Variants in PFKFB3 observed in about 807,000 individuals in gnomAD.
PFKFB3 encodes 6-phosphofructo-2-kinase/fructose-2,6-bisphosphatase 3.
A neutral mutation model predicts 68.0 loss-of-function variants in PFKFB3; 33 were observed. The ratio of observed to expected loss-of-function variants is 0.49; its 90% CI spans 0.37 to 0.65. PFKFB3 has a LOEUF of 0.65. PFKFB3 is among the 30% of genes least tolerant of loss of function. PFKFB3 has a pLI of 0.00. For missense variants in PFKFB3, 586 were observed against 712.2 expected (o/e 0.82, Z 2.02); for synonymous variants, 315 against 288.2 (o/e 1.09, Z -0.94).
At chr10:6,250,048 G>C (rs1193669426) in intron 14 of PFKFB3, among the ~76,000 whole-genome samples, 1 of 152,124 alleles carries the variant, frequency 6.6e-6, no homozygotes, top group South Asian at 2.1e-4. Flanking sequence ...TCTCCTGGAA[G>C]CATATTGCAT....
At chr10:6,296,285 C>T in the PFKFB3 span, among the ~76,000 whole-genome samples, 1 of 150,738 alleles carries the variant, frequency 6.6e-6, no homozygotes, top group Non-Finnish European at 1.5e-5. Flanking sequence ...AGACTGATCT[C>T]TACAAATATT....
chr10:6,231,000 G>A (rs1454132333), intron 14 of PFKFB3, among the ~76,000 whole-genome samples: 1 of 152,206 alleles, frequency 6.6e-6, no homozygotes, highest in East Asian at 1.9e-4. Context: ...ACAGATGTGA[G>A]CCACCACGCC....
chr10:6,254,090 C>A (rs1236746312), intron 14 of PFKFB3: 5 of 371,796 alleles, frequency 1.3e-5, no homozygotes, highest in African/African-American at 2.3e-5. Flanking sequence ...CATGTACTTT[C>A]AGATGGCTTT....
chr10:6,224,113 C>G (rs371329068), intron 12 of PFKFB3, 36 bp from the exon 13 acceptor site: 9 of 1,613,326 alleles, frequency 5.6e-6, no homozygotes, highest in African/African-American at 4.0e-5. Flanking sequence ...GTCCCTTTAA[C>G]AGCAGCTTCC....
Position 6,220,901 on chromosome 10 carries a change from G to A in PFKFB3, c.831+36G>A, listed in dbSNP as rs1482227286. 1.3e-6 allele frequency: 2 copies of A among 1,592,930 alleles called. No homozygotes were observed. Among genetic ancestry groups the A allele is most frequent in the Admixed American group, 1.7e-5 (1 of 59,952 alleles). ...TGCTGCCGCATGGGCCGTTCTGGCT[G>A]TAGGGCGGTTGCAGGGTCTATAGGG... On this transcript the variant is annotated intron_variant, in intron 8 of 14. Coordinates refer to ENST00000379775, the MANE Select transcript of PFKFB3 (RefSeq NM_004566.4). This position sits in a 1 kb window ranked among gnomAD's most constrained non-coding sequence, Gnocchi z 4.1.
intron 14 of PFKFB3, among the ~76,000 whole-genome samples, chr10:6,230,073 G>A (rs919973305): frequency 2.6e-5 from 4 of 152,158 alleles, no homozygotes; most frequent in African/African-American, 7.2e-5. Flanking sequence ...TCTACTGGGA[G>A]GAGCCATTCG....
intron 1 of PFKFB3, among the ~76,000 whole-genome samples, chr10:6,165,299 C>T (rs567323148): frequency 2.0e-5 from 3 of 152,366 alleles, no homozygotes; most frequent in Admixed American, 1.3e-4. Flanking sequence ...TGATTCAATA[C>T]AGCACATGTT....
the PFKFB3 span, among the ~76,000 whole-genome samples, chr10:6,286,976 A>G: frequency 1.3e-5 from 2 of 152,246 alleles, no homozygotes; most frequent in Non-Finnish European, 2.9e-5. Flanking sequence ...TGGAAATAAC[A>G]TTGAACAACT....
At chr10:6,209,533 G>A (rs907593428) in intron 1 of PFKFB3, among the ~76,000 whole-genome samples, 1 of 151,794 alleles carries the variant, frequency 6.6e-6, no homozygotes, top group Non-Finnish European at 1.5e-5. Context: ...GAGTGCATTG[G>A]TACAATCTCG....
At chr10:6,238,566 CTTTTA>C (rs1334950612), downstream of PFKFB3, among the ~76,000 whole-genome samples, 40 of 134,188 alleles carry the variant, frequency 3.0e-4, no homozygotes, top group Non-Finnish European at 5.4e-4. Context: ...TTTTTTTTAA[CTTTTA>C]TTTTAAGTTC....
the PFKFB3 span, among the ~76,000 whole-genome samples, chr10:6,315,306 C>A: frequency 2.1e-3 from 317 of 152,268 alleles, 1 homozygote; most frequent in African/African-American, 7.4e-3. Flanking sequence ...CAGATCCAGA[C>A]CCCAAGAGAG....
chr10:6,209,665 A>G (rs1200953691), intron 1 of PFKFB3, among the ~76,000 whole-genome samples: 1 of 150,578 alleles, frequency 6.6e-6, no homozygotes, highest in Middle Eastern at 3.5e-3. Context: ...GGGTTTTGCC[A>G]TGTTGACCAG....
chr10:6,249,178 T>TAA lies in PFKFB3; in HGVS notation c.1516-4976_1516-4975dup, dbSNP rs71391803. ...AACAAGAGCAAAACTCCGTCTCAAT[T>TAA]AAAAAAAAAAAAAAAAAAAAAAAAA... is the stretch of plus-strand genomic sequence containing the variant. On this transcript the variant is annotated intron_variant, in intron 14 of 14. Coordinates refer to the PFKFB3 transcript ENST00000640683. Among the ~76,000 whole-genome samples the TAA allele has an allele frequency of 3.6e-3, 274 of 76,944 alleles. 1 individual carries two copies. The highest frequency in any genetic ancestry group is 9.9e-3 in the African/African-American group (205 of 20,636). The allele number at this position is 76,944 out of a possible 152,430, so 50.5% of individuals were successfully genotyped here.
At chr10:6,202,639 GT>G (rs1843410135), upstream of PFKFB3, 1 of 155,036 alleles carries the variant, frequency 6.5e-6, no homozygotes, top group Non-Finnish European at 1.4e-5. Flanking sequence ...GCCGGAATTA[GT>G]CGGGGAAGCT....
At chr10:6,187,228 G>T (rs1189494397) in intron 1 of PFKFB3, among the ~76,000 whole-genome samples, 3 of 149,924 alleles carry the variant, frequency 2.0e-5, no homozygotes, top group Non-Finnish European at 4.5e-5. Flanking sequence ...GGACATGGTG[G>T]TGGGTGCCTG....
the PFKFB3 span, among the ~76,000 whole-genome samples, chr10:6,319,288 A>C: frequency 2.0e-5 from 3 of 152,244 alleles, no homozygotes; most frequent in African/African-American, 4.8e-5. Flanking sequence ...TGACTGGTTA[A>C]AGAATATTTG....
upstream of PFKFB3, among the ~76,000 whole-genome samples, chr10:6,199,876 A>C (rs1843279156): frequency 6.6e-6 from 1 of 151,510 alleles, no homozygotes; most frequent in Non-Finnish European, 1.5e-5. Context: ...TTCCTTCCCA[A>C]ACAGCTCAAT....
intron 1 of PFKFB3, among the ~76,000 whole-genome samples, chr10:6,175,764 A>G (rs1229104617): frequency 6.6e-6 from 1 of 152,172 alleles, no homozygotes; most frequent in East Asian, 1.9e-4. Context: ...AAGCACTTCA[A>G]CCTCCCTAAT....
intron 14 of PFKFB3, among the ~76,000 whole-genome samples, chr10:6,252,295 A>T (rs1846399847): frequency 6.6e-6 from 1 of 152,228 alleles, no homozygotes. Flanking sequence ...GATACCCAGA[A>T]CTTTCTCTGT....
Sources: gnomAD v4.1 joint callset for allele counts (sites outside exome capture counted in the v4.1 genomes callset) on GRCh38, gnomAD v4.1.1 for gene constraint, Gnocchi (gnomAD v3.1) non-coding constraint, MANE v1.5 for transcripts, NCBI Gene and HGNC (gene_info 2026-07-23, HGNC 2026-07-21) for gene names.